The following ADAMTSL1 variants were observed in gnomAD, a reference collection of about 807,000 sequenced individuals.
The protein encoded by ADAMTSL1 is ADAMTS-like protein 1.
In ADAMTSL1, 126 loss-of-function variants were observed where a neutral mutation model predicts 201.8. The observed-to-expected ratio is 0.62, with a 90% CI of 0.54 to 0.72. ADAMTSL1 has a LOEUF of 0.72. ADAMTSL1 is among the 30% of genes least tolerant of loss of function. The probability of loss-of-function intolerance (pLI) is 0.00; values close to 1 mark genes in which losing one functional copy is unlikely to be tolerated. For synonymous variants in ADAMTSL1, 1,121 were observed against 903.4 expected, an observed-to-expected ratio of 1.24 and a Z score of -4.32; for missense variants, 2,679 against 2,277.8, an observed-to-expected ratio of 1.18 and a Z score of -3.59.
At chr9:18,537,182 A>G (rs950058450) in intron 3 of ADAMTSL1, among the ~76,000 whole-genome samples, 1 of 152,314 alleles carries the variant, frequency 6.6e-6, no homozygotes, top group African/African-American at 2.4e-5. Context: ...CTTTCATTCT[A>G]ATGGAGAAAA....
At chr9:18,524,813 C>A (rs969784293) in intron 2 of ADAMTSL1, among the ~76,000 whole-genome samples, 1 of 152,130 alleles carries the variant, frequency 6.6e-6, no homozygotes, top group African/African-American at 2.4e-5. Flanking sequence ...GGTGGACAAG[C>A]TTTTTGATGT....
Position 18,817,111 on chromosome 9 carries a change from A to G in ADAMTSL1, c.3808A>G (p.Lys1270Glu), listed in dbSNP as rs1167807256. The change falls in exon 21 of 29, where the codon AAG becomes GAG. Residue 1270 changes from lysine to glutamate, a missense_variant and splice_region_variant. By Grantham distance (56) the Lys-to-Glu change is moderately conservative. Transcript: ENST00000380548. Reference protein sequence around the residue: ...SVSIAVTLAGKPLVKTSRMTV... With the variant: ...SVSIAVTLAGEPLVKTSRMTV... ...CTCATATTCTTTCTTATCTTCAGGAAAGCCACTAGTGAAAACGTCACGAAT... is the reference window on the plus strand; with the variant it reads ...CTCATATTCTTTCTTATCTTCAGGAGAGCCACTAGTGAAAACGTCACGAAT... The G allele has an allele frequency of 6.2e-7, 1 of 1,609,498 alleles. No individual in the cohort carries two copies. The highest frequency in any genetic ancestry group is 1.7e-5 in the Admixed American group (1 of 59,550).
At chr9:17,957,086 C>T (rs1048134704) in intron 1 of ADAMTSL1, among the ~76,000 whole-genome samples, 1 of 151,958 alleles carries the variant, frequency 6.6e-6, no homozygotes, top group African/African-American at 2.4e-5. Flanking sequence ...TAGAAACGCT[C>T]CGGTATTGTC....
intron 15 of ADAMTSL1, chr9:18,723,280 A>C (rs980084249): frequency 1.9e-5 from 11 of 591,830 alleles, no homozygotes; most frequent in African/African-American, 1.1e-4. Flanking sequence ...TCATTCCTGT[A>C]ATTTCTGTTC....
intron 1 of ADAMTSL1, among the ~76,000 whole-genome samples, chr9:18,016,840 A>G (rs577835609): frequency 8.5e-5 from 13 of 152,214 alleles, no homozygotes; most frequent in Admixed American, 1.3e-4. Flanking sequence ...TATGGTCAGT[A>G]TAATCAAACT....
intron 2 of ADAMTSL1, among the ~76,000 whole-genome samples, chr9:18,444,666 T>G (rs935011220): frequency 2.6e-5 from 4 of 152,148 alleles, no homozygotes; most frequent in African/African-American, 7.2e-5. Flanking sequence ...TTGCTTTACC[T>G]TAAACAATTG....
intron 1 of ADAMTSL1, among the ~76,000 whole-genome samples, chr9:18,080,555 T>C (rs1823455404): frequency 6.6e-6 from 1 of 152,218 alleles, no homozygotes; most frequent in Non-Finnish European, 1.5e-5. Flanking sequence ...TACAAAAAAC[T>C]GGCTCTGCGA....
At chr9:18,486,063 T>C (rs1821974825) in intron 1 of ADAMTSL1, among the ~76,000 whole-genome samples, 1 of 152,224 alleles carries the variant, frequency 6.6e-6, no homozygotes, top group Non-Finnish European at 1.5e-5. Flanking sequence ...AAGTGCCAGC[T>C]GGGTGCTAGG....
intron 4 of ADAMTSL1, among the ~76,000 whole-genome samples, chr9:18,615,117 T>G (rs1335108634): frequency 6.6e-6 from 1 of 152,226 alleles, no homozygotes; most frequent in Non-Finnish European, 1.5e-5. Context: ...CATTAGGCTT[T>G]TGGAAACAGT....
intron 23 of ADAMTSL1, among the ~76,000 whole-genome samples, chr9:18,844,739 A>G (rs957267718): frequency 2.1e-4 from 32 of 152,348 alleles, no homozygotes; most frequent in African/African-American, 7.7e-4. Context: ...AGCCTGGGCA[A>G]TGGCGGGCGC....
At chr9:18,113,801 G>T (rs1453756806) in intron 1 of ADAMTSL1, among the ~76,000 whole-genome samples, 2 of 152,072 alleles carry the variant, frequency 1.3e-5, no homozygotes, top group Non-Finnish European at 2.9e-5. Flanking sequence ...AAAGTATGAA[G>T]TAACTGTGTA....
chr9:18,139,798 A>T (rs550236502), intron 1 of ADAMTSL1, among the ~76,000 whole-genome samples: 1 of 152,124 alleles, frequency 6.6e-6, no homozygotes, highest in Non-Finnish European at 1.5e-5. Context: ...TGAATTTTAC[A>T]TTAGAAAATT....
chr9:18,538,482 G>C (rs889273235), intron 3 of ADAMTSL1, among the ~76,000 whole-genome samples: 2 of 152,076 alleles, frequency 1.3e-5, no homozygotes, highest in African/African-American at 4.8e-5. Flanking sequence ...TAATTCTTAA[G>C]AAGTATCATA....
At chr9:18,577,779 T>C (rs931594989) in intron 4 of ADAMTSL1, among the ~76,000 whole-genome samples, 1 of 152,122 alleles carries the variant, frequency 6.6e-6, no homozygotes, top group Non-Finnish European at 1.5e-5. Flanking sequence ...TCCCAGGATG[T>C]GACAAGTAAC....
chr9:18,884,367 T>A (rs971466312), intron 23 of ADAMTSL1, among the ~76,000 whole-genome samples: 1 of 152,204 alleles, frequency 6.6e-6, no homozygotes, highest in Non-Finnish European at 1.5e-5. Flanking sequence ...TTCTGTGAGT[T>A]GCTTTTTCAC....
intron 16 of ADAMTSL1, among the ~76,000 whole-genome samples, chr9:18,762,424 C>T (rs551699584): frequency 1.3e-5 from 2 of 152,212 alleles, no homozygotes; most frequent in Admixed American, 1.3e-4. Flanking sequence ...TGTTTTGATA[C>T]AGGCATGCAA....
At chr9:18,156,545 T>C (rs1302220625) in intron 1 of ADAMTSL1, among the ~76,000 whole-genome samples, 1 of 151,970 alleles carries the variant, frequency 6.6e-6, no homozygotes, top group Non-Finnish European at 1.5e-5. Context: ...ACCCTAACAT[T>C]CTCCTCCAGT....
intron 2 of ADAMTSL1, among the ~76,000 whole-genome samples, chr9:18,505,424 T>C (rs1184462370): frequency 3.3e-4 from 50 of 152,350 alleles, no homozygotes; most frequent in Non-Finnish European, 1.5e-4. Flanking sequence ...TTTCTTAAAG[T>C]CATTCAGTTC....
At chr9:18,615,461 A>G (rs1197483826) in intron 4 of ADAMTSL1, among the ~76,000 whole-genome samples, 1 of 152,200 alleles carries the variant, frequency 6.6e-6, no homozygotes, top group African/African-American at 2.4e-5. Flanking sequence ...AGAGGTAATG[A>G]TCTTGATTAG....
Sources: allele counts gnomAD v4.1 joint callset (sites outside exome capture counted in the v4.1 genomes callset), GRCh38; gene constraint gnomAD v4.1.1; transcripts MANE v1.5; gene names NCBI Gene and HGNC (gene_info 2026-07-23, HGNC 2026-07-21).